UBR3: variants seen among roughly 807,000 people sequenced by gnomAD.
The protein encoded by UBR3 is E3 ubiquitin-protein ligase UBR3.
Under a neutral mutation model 243.2 loss-of-function variants are expected in UBR3, and 85 were observed. The ratio of observed to expected loss-of-function variants is 0.35; its 90% CI spans 0.29 to 0.42. The LOEUF (loss-of-function observed/expected upper bound fraction) is 0.42, where lower values mean the gene tolerates loss of function less well. UBR3 is among the 10% of genes least tolerant of loss of function. UBR3 has a pLI of 1.00. For missense variants in UBR3, 1,686 were observed against 2,300.8 expected, an observed-to-expected ratio of 0.73 and a Z score of 5.47; for synonymous variants, 748 against 799.8, an observed-to-expected ratio of 0.94 and a Z score of 1.09.
chr2:169,898,459 G>A (rs1009242244), intron 8 of UBR3, among the ~76,000 whole-genome samples: 10 of 152,052 alleles, frequency 6.6e-5, no homozygotes, highest in Non-Finnish European at 8.8e-5. Flanking sequence ...ATTCTTTGAA[G>A]GTATTGTCAT....
At chr2:169,977,976 G>C (rs1267456799) in intron 24 of UBR3, among the ~76,000 whole-genome samples, 2 of 152,168 alleles carry the variant, frequency 1.3e-5, no homozygotes, top group East Asian at 1.9e-4. Context: ...TTCACCTGCA[G>C]TTGAATCTTA....
intron 5 of UBR3, among the ~76,000 whole-genome samples, chr2:169,887,783 C>CT (rs373899418): frequency 0.11 from 16,740 of 148,416 alleles, 1,136 homozygotes; most frequent in Admixed American, 0.19. Context: ...TTCTTTCTTT[C>CT]TTTTTTTTTT....
rs569997130 is a variant in UBR3 at position 169,851,200 on chromosome 2, C to T, written c.546-21036C>T. Among the ~76,000 whole-genome samples the T allele has an allele frequency of 2.0e-5, 3 of 152,350 alleles. No individual in the cohort carries two copies. The East Asian group carries it at 5.8e-4, about 29-fold the overall frequency. On this transcript the variant is annotated intron_variant, in intron 1 of 38. Transcript: ENST00000272793. The stretch of plus-strand genomic sequence containing the variant: ...AGTGCAGTGGCACGATCTTGGCTCA[C>T]TGCAGCCTTGACCTCCTAAGCTCAA...
intron 33 of UBR3, among the ~76,000 whole-genome samples, chr2:170,060,144 A>C (rs1177771308): frequency 6.6e-6 from 1 of 152,146 alleles, no homozygotes; most frequent in African/African-American, 2.4e-5. Flanking sequence ...TAGGATTTTA[A>C]AAGTATAGTT....
At chr2:169,887,463 T>A (rs1422363218) in intron 5 of UBR3, among the ~76,000 whole-genome samples, 1 of 152,216 alleles carries the variant, frequency 6.6e-6, no homozygotes, top group East Asian at 1.9e-4. Flanking sequence ...TGTTTTCGTT[T>A]TCCTTAATGC....
intron 19 of UBR3, 146 bp downstream of exon 19, chr2:169,933,154 A>T (rs1394366233): frequency 1.8e-6 from 1 of 567,188 alleles, no homozygotes; most frequent in East Asian, 3.6e-5. Flanking sequence ...TTTAAAAAAT[A>T]ATCTGGTGGA....
chr2:169,949,753 T>C lies in UBR3; in HGVS notation c.3233T>C (p.Leu1078Ser), dbSNP rs1379464217. The change falls in exon 23 of 39, where the codon TTA becomes TCA. Residue 1078 changes from leucine to serine, a missense_variant. Transcript: ENST00000272793. ...TCTGCTCCTGGTTCAGCTCCACAGT[T>C]AACTACAGCCATTTTGGAAATTAAA... ...KWSAPGSAPQ[L>S]TTAILEIKES... 7.1e-6 allele frequency: 11 copies of C among 1,551,674 alleles called. No homozygotes were observed. The highest frequency in any genetic ancestry group is 9.6e-6 in the Non-Finnish European group (11 of 1,146,794).
Position 169,927,357 on chromosome 2 carries a change from A to G in UBR3, c.2376A>G (p.Val792=). Residue 792 remains valine, a synonymous_variant, in exon 17 of 39, where the codon GTA becomes GTG. Coordinates refer to ENST00000272793, the MANE Select transcript of UBR3 (RefSeq NM_172070.4). ...SDDEILRAEM[V]AQLCMNDRTH... ...ATGAGATTCTCAGGGCCGAGATGGT[A>G]GCCCAGCTGTGTATGAATGACAGGA... The G allele has an allele frequency of 6.4e-7, 1 of 1,551,068 alleles. No individual in the cohort carries two copies. Among genetic ancestry groups the G allele is most frequent in the Non-Finnish European group, 8.7e-7 (1 of 1,146,712 alleles).
rs1343420609 is a variant in UBR3 at position 169,838,385 on chromosome 2, ATTTG to A, written c.545+10335_545+10338del. 6.1e-3 allele frequency among the ~76,000 whole-genome samples: 799 copies of A among 131,622 alleles called. 17 individuals are homozygous for A. The highest frequency in any genetic ancestry group is 0.022 in the African/African-American group (724 of 32,844). The allele number at this position is 131,622 out of a possible 152,430, so 86.3% of individuals were successfully genotyped here. A position where few individuals can be genotyped will look rare whatever the true frequency, so the allele number is the denominator to read the frequency against. On this transcript the variant is annotated intron_variant, in intron 1 of 38. Coordinates refer to ENST00000272793, the MANE Select transcript of UBR3 (RefSeq NM_172070.4). ...AAGCTGGGAAGTCCAAGATTAAGGC[ATTTG>A]TGTGTGTGTGTGTGTGTGTGTGTGT...
Position 169,915,111 on chromosome 2 carries a change from G to A in UBR3, c.1866+965G>A, listed in dbSNP as rs75421243. Among the ~76,000 whole-genome samples, 1,374 of 152,110 alleles carry A rather than the reference G, an allele frequency of 9.0e-3. 26 individuals are homozygous for A. Among genetic ancestry groups the A allele is most frequent in the African/African-American group, 0.031 (1,299 of 41,482 alleles). On this transcript the variant is annotated intron_variant, in intron 11 of 38. Transcript: ENST00000272793. The stretch of plus-strand genomic sequence containing the variant: ...CATTTAATTCTTATAACTCATTCAT[G>A]TTTTACCAGTTGTCCCATGATACCT...
At chr2:169,990,471 C>T (rs1457159030) in intron 25 of UBR3, among the ~76,000 whole-genome samples, 26 of 151,900 alleles carry the variant, frequency 1.7e-4, no homozygotes, top group Admixed American at 1.7e-3. Flanking sequence ...TTTCATAGCA[C>T]TTCAAAAATA....
rs1286737082 is a variant in UBR3, at chr2:170,083,451, C to T, written c.*1608C>T. 6.6e-6 allele frequency: 1 copy of T among 152,562 alleles called. No individual in the cohort carries two copies. Among genetic ancestry groups the T allele is most frequent in the Non-Finnish European group, 1.5e-5 (1 of 68,014 alleles). The allele number at this position is 152,562 out of a possible 1,614,324, so 9.5% of individuals were successfully genotyped here. A position where few individuals can be genotyped will look rare whatever the true frequency, so the allele number is the denominator to read the frequency against. On this transcript the variant is annotated 3_prime_UTR_variant, in exon 39 of 39. Transcript: ENST00000272793. ...GACTAAATAGCTGTCCTTTCCAACA[C>T]ATTGCTACTTTTTTAAATACTGTAT...
chr2:169,838,384 CATTTGTGTGTGTGTGTGT>C (rs1390735945), intron 1 of UBR3, among the ~76,000 whole-genome samples: 66 of 133,628 alleles, frequency 4.9e-4, no homozygotes, highest in African/African-American at 1.7e-3. Flanking sequence ...AAGATTAAGG[CATTTGTGTGTGTGTGTGT>C]GTGTGTGTGT....
intron 18 of UBR3, 39 bp downstream of exon 18, chr2:169,928,907 G>A (rs549849953): frequency 3.0e-6 from 4 of 1,321,500 alleles, no homozygotes; most frequent in African/African-American, 1.5e-5. Flanking sequence ...TCAAATATCA[G>A]TTCTTGAATG....
At chr2:169,935,082 G>T (rs551954293) in intron 19 of UBR3, among the ~76,000 whole-genome samples, 1 of 152,254 alleles carries the variant, frequency 6.6e-6, no homozygotes, top group African/African-American at 2.4e-5. Flanking sequence ...ACCAGCAGTT[G>T]GAAAACCATC....
At chr2:170,052,860 G>A (rs1482890205) in intron 32 of UBR3, among the ~76,000 whole-genome samples, 2 of 152,174 alleles carry the variant, frequency 1.3e-5, no homozygotes, top group African/African-American at 4.8e-5. Context: ...CATACACACA[G>A]ACACATGTAA....
intron 10 of UBR3, among the ~76,000 whole-genome samples, chr2:169,907,630 A>G (rs956551051): frequency 1.3e-5 from 2 of 152,046 alleles, no homozygotes; most frequent in African/African-American, 2.4e-5. Flanking sequence ...TAAGCTCTAT[A>G]TATCTCCCTC....
At chr2:169,956,300 T>TTATATATATATA (rs145201293) in intron 23 of UBR3, among the ~76,000 whole-genome samples, 3 of 147,010 alleles carry the variant, frequency 2.0e-5, no homozygotes, top group African/African-American at 7.4e-5. Flanking sequence ...AACTAAAATG[T>TTATATATATATA]TATATATATA....
At chr2:169,932,356 G>A (rs1325990984) in intron 18 of UBR3, among the ~76,000 whole-genome samples, 2 of 152,120 alleles carry the variant, frequency 1.3e-5, no homozygotes, top group African/African-American at 4.8e-5. Flanking sequence ...GGGATTACAG[G>A]CATGAGCCAC....
Sources: allele counts gnomAD v4.1 joint callset (sites outside exome capture counted in the v4.1 genomes callset), GRCh38; gene constraint gnomAD v4.1.1; transcripts MANE v1.5; gene names NCBI Gene and HGNC (gene_info 2026-07-23, HGNC 2026-07-21).